The following NEGR1 variants were observed in gnomAD, a reference collection of about 807,000 sequenced individuals.
NEGR1 encodes the protein neuronal growth regulator 1, also known as IgLON family member 4.
In NEGR1, 10 loss-of-function variants were observed where a neutral mutation model predicts 40.9. The ratio of observed to expected loss-of-function variants is 0.24; its 90% confidence interval spans 0.15 to 0.42. The LOEUF is 0.42. Among genes scored for constraint, NEGR1 ranks in the 10% least tolerant of loss-of-function variants. The pLI is 1.00. For synonymous variants in NEGR1, 185 were observed against 166.8 expected (o/e 1.11, Z -0.84); for missense variants, 352 against 438.9 (o/e 0.80, Z 1.77).
At chr1:71,609,707 T>C (rs1353243094) in intron 5 of NEGR1, among the ~76,000 whole-genome samples, 1 of 152,074 alleles carries the variant, frequency 6.6e-6, no homozygotes, top group Non-Finnish European at 1.5e-5. Flanking sequence ...AATATCTAAG[T>C]CTTTATATAA....
chr1:71,618,649 T>C lies in NEGR1; in HGVS notation c.668-7503A>G, dbSNP rs143352231. ...CGAGTTGTATAAGTATTTCATTATATGTTACAATATAATAATAATAGAAAT... is the reference window on the plus strand; with the variant it reads ...CGAGTTGTATAAGTATTTCATTATACGTTACAATATAATAATAATAGAAAT... On this transcript the variant is annotated intron_variant, in intron 4 of 6. Transcript: ENST00000357731. Among the ~76,000 whole-genome samples the C allele has an allele frequency of 5.7e-3, 865 of 152,182 alleles. 4 individuals are homozygous for C. Among genetic ancestry groups the C allele is most frequent in the Non-Finnish European group, 9.2e-3 (629 of 68,014 alleles).
intron 1 of NEGR1, among the ~76,000 whole-genome samples, chr1:72,076,715 C>T (rs61767507): frequency 1.4e-5 from 2 of 144,940 alleles, no homozygotes; most frequent in Non-Finnish European, 2.9e-5. Context: ...TACACACATG[C>T]GTGCACACGC....
chr1:72,061,680 A>G (rs1647176321), intron 1 of NEGR1, among the ~76,000 whole-genome samples: 1 of 151,820 alleles, frequency 6.6e-6, no homozygotes, highest in African/African-American at 2.4e-5. Context: ...TTAAAAACAT[A>G]ATTTTCAAAA....
At chr1:71,795,230 A>G (rs1482126392) in intron 2 of NEGR1, among the ~76,000 whole-genome samples, 1 of 152,042 alleles carries the variant, frequency 6.6e-6, no homozygotes, top group Non-Finnish European at 1.5e-5. Flanking sequence ...GGAAATACTT[A>G]GAAATGAAAT....
chr1:71,510,699 G>C (rs905125200), intron 6 of NEGR1, among the ~76,000 whole-genome samples: 2 of 152,170 alleles, frequency 1.3e-5, no homozygotes, highest in African/African-American at 4.8e-5. Flanking sequence ...GGAACTAGGG[G>C]AGGGACTTGC....
chr1:71,729,810 GT>G (rs953099442), intron 3 of NEGR1, among the ~76,000 whole-genome samples: 1 of 144,758 alleles, frequency 6.9e-6, no homozygotes, highest in African/African-American at 2.6e-5. Flanking sequence ...GCTAATTTTT[GT>G]TTTTTTGTTT....
chr1:71,823,809 T>G (rs908173730), intron 2 of NEGR1, among the ~76,000 whole-genome samples: 4 of 152,224 alleles, frequency 2.6e-5, no homozygotes, highest in African/African-American at 9.6e-5. Context: ...ATTTACTGCC[T>G]GCAGATTTAC....
chr1:72,031,160 A>C (rs1383076168), intron 1 of NEGR1, among the ~76,000 whole-genome samples: 1 of 152,206 alleles, frequency 6.6e-6, no homozygotes, highest in East Asian at 1.9e-4. Flanking sequence ...ATGCAGCCGC[A>C]GAAGAGGTGG....
intron 6 of NEGR1, among the ~76,000 whole-genome samples, chr1:71,512,323 CA>C (rs1161902795): frequency 3.3e-5 from 5 of 151,758 alleles, no homozygotes; most frequent in Non-Finnish European, 2.9e-5. Context: ...CTTTACTAAA[CA>C]AAAGTGAAAA....
At chr1:71,617,878 C>T (rs1452545033) in intron 4 of NEGR1, among the ~76,000 whole-genome samples, 1 of 152,142 alleles carries the variant, frequency 6.6e-6, no homozygotes, top group African/African-American at 2.4e-5. Flanking sequence ...ATGAAAGCCA[C>T]TGCAGAGATT....
chr1:72,086,157 C>T (rs568616024), intron 1 of NEGR1, among the ~76,000 whole-genome samples: 40 of 152,028 alleles, frequency 2.6e-4, no homozygotes, highest in African/African-American at 8.9e-4. Context: ...ATAGCAATTT[C>T]GATATTATAA....
chr1:72,152,007 A>G (rs1651144814), intron 1 of NEGR1, among the ~76,000 whole-genome samples: 1 of 151,846 alleles, frequency 6.6e-6, no homozygotes, highest in African/African-American at 2.4e-5. Flanking sequence ...TTTTTGTAGA[A>G]CAATTAATAG....
intron 4 of NEGR1, among the ~76,000 whole-genome samples, chr1:71,656,342 C>G (rs1651873728): frequency 6.6e-6 from 1 of 152,108 alleles, no homozygotes; most frequent in Non-Finnish European, 1.5e-5. Flanking sequence ...CTTGGTTTAT[C>G]TATATAAAAT....
chr1:71,579,180 C>T (rs1365460855), intron 6 of NEGR1, among the ~76,000 whole-genome samples: 2 of 152,156 alleles, frequency 1.3e-5, no homozygotes, highest in Non-Finnish European at 2.9e-5. Flanking sequence ...TTTCTTTTCA[C>T]CCAGCTCTGT....
At chr1:71,992,279 A>T (rs2100360884) in intron 1 of NEGR1, among the ~76,000 whole-genome samples, 1 of 152,328 alleles carries the variant, frequency 6.6e-6, no homozygotes, top group African/African-American at 2.4e-5. Flanking sequence ...ATTAAAAATA[A>T]GTATAAAAAT....
At chr1:72,008,611 A>C (rs1057063787) in intron 1 of NEGR1, among the ~76,000 whole-genome samples, 1 of 152,128 alleles carries the variant, frequency 6.6e-6, no homozygotes, top group Non-Finnish European at 1.5e-5. Flanking sequence ...TTTAAATATT[A>C]TAATTCTGAA....
chr1:71,651,373 C>T (rs939442741), intron 4 of NEGR1, among the ~76,000 whole-genome samples: 2 of 152,080 alleles, frequency 1.3e-5, no homozygotes, highest in Non-Finnish European at 2.9e-5. Flanking sequence ...TGAATCCAGA[C>T]TGCTTTTCCA....
At chr1:72,268,694 T>C (rs761629331) in intron 1 of NEGR1, among the ~76,000 whole-genome samples, 1 of 151,576 alleles carries the variant, frequency 6.6e-6, no homozygotes, top group Non-Finnish European at 1.5e-5. Flanking sequence ...TCAAGGATTC[T>C]AGAATTTAGT....
chr1:72,236,944 G>A (rs917812471), intron 1 of NEGR1, among the ~76,000 whole-genome samples: 6 of 151,820 alleles, frequency 4.0e-5, no homozygotes, highest in African/African-American at 1.5e-4. Flanking sequence ...ATTGAGGATA[G>A]TTAGAAAACA....
Sources: allele counts gnomAD v4.1 joint callset (sites outside exome capture counted in the v4.1 genomes callset), GRCh38; gene constraint gnomAD v4.1.1; transcripts MANE v1.5; gene names NCBI Gene and HGNC (gene_info 2026-07-23, HGNC 2026-07-21).